The following PHF21A variants were observed in gnomAD, a reference collection of about 807,000 sequenced individuals.
PHF21A encodes BHC80a.
PHF21A carries 11 observed loss-of-function variants against 82.5 expected under a neutral mutation model. The observed-to-expected ratio is 0.13, with a 90% CI of 0.08 to 0.22. The LOEUF (loss-of-function observed/expected upper bound fraction) is 0.22, where lower values mean the gene tolerates loss of function less well. Ranked by LOEUF, PHF21A falls within the 10% of genes least tolerant of loss-of-function variation. The pLI is 1.00. For missense variants in PHF21A, 579 were observed against 837.8 expected (o/e 0.69, Z 3.81); for synonymous variants, 297 against 302.8 (o/e 0.98, Z 0.20).
At chr11:45,974,458 GTTTA>G (rs1372201979) in intron 7 of PHF21A, among the ~76,000 whole-genome samples, 4 of 144,566 alleles carry the variant, frequency 2.8e-5, no homozygotes, top group Non-Finnish European at 3.0e-5. Flanking sequence ...TATTATTGCT[GTTTA>G]TTTATTTTTG....
At chr11:46,010,089 G>C (rs2095381892) in intron 6 of PHF21A, among the ~76,000 whole-genome samples, 1 of 152,058 alleles carries the variant, frequency 6.6e-6, no homozygotes, top group African/African-American at 2.4e-5. Context: ...AGAAAGGGGA[G>C]AAAAATATGC....
intron 6 of PHF21A, among the ~76,000 whole-genome samples, chr11:46,021,705 C>G (rs561025976): frequency 9.9e-5 from 15 of 152,022 alleles, no homozygotes; most frequent in Admixed American, 8.5e-4. Flanking sequence ...CTATGCCCAG[C>G]TAATTTTTAT....
intron 17 of PHF21A, among the ~76,000 whole-genome samples, chr11:45,936,207 G>A (rs2088992981): frequency 6.6e-6 from 1 of 152,182 alleles, no homozygotes; most frequent in Non-Finnish European, 1.5e-5. Context: ...GGGCCCAGGA[G>A]GAGGAAGCTG....
At chr11:46,060,653 A>T (rs2096524273) in intron 6 of PHF21A, among the ~76,000 whole-genome samples, 1 of 152,142 alleles carries the variant, frequency 6.6e-6, no homozygotes, top group Non-Finnish European at 1.5e-5. Context: ...TCCTTTGCCC[A>T]CTTTGTAATG....
At chr11:46,003,561 T>C (rs976800446) in intron 6 of PHF21A, among the ~76,000 whole-genome samples, 6 of 152,254 alleles carry the variant, frequency 3.9e-5, no homozygotes, top group Admixed American at 2.0e-4. Context: ...ATAATGATGA[T>C]GACATTTTCA....
At chr11:45,938,070 C>A (rs1022830917) in intron 16 of PHF21A, 87 bp downstream of exon 16, 4 of 1,169,648 alleles carry the variant, frequency 3.4e-6, no homozygotes, top group Non-Finnish European at 4.8e-6. Context: ...AGAGAAGAGA[C>A]TGCCATTTCC....
intron 1 of PHF21A, among the ~76,000 whole-genome samples, chr11:46,098,917 T>C (rs2097047121): frequency 6.6e-6 from 1 of 152,184 alleles, no homozygotes; most frequent in South Asian, 2.1e-4. Flanking sequence ...CTGTAACTAC[T>C]GGGAGTTGTT....
chr11:45,964,237 T>TAATAATAA (rs1278681278), intron 10 of PHF21A, among the ~76,000 whole-genome samples: 1 of 20,772 alleles, frequency 4.8e-5, no homozygotes, highest in Admixed American at 3.8e-4. Context: ...TAATAATAAT[T>TAATAATAA]TATTTCTGAA....
intron 6 of PHF21A, among the ~76,000 whole-genome samples, chr11:45,994,949 G>T (rs370876373): frequency 2.0e-5 from 3 of 152,272 alleles, no homozygotes; most frequent in East Asian, 3.9e-4. Flanking sequence ...TCAACCAAAG[G>T]ACGTAAGAAT....
chr11:46,018,121 G>T (rs958490899), intron 6 of PHF21A, among the ~76,000 whole-genome samples: 5 of 151,216 alleles, frequency 3.3e-5, no homozygotes, highest in African/African-American at 1.2e-4. Flanking sequence ...GTAGTGGCGG[G>T]CGCCTGTAGT....
intron 3 of PHF21A, among the ~76,000 whole-genome samples, chr11:46,087,918 G>A (rs1236682914): frequency 6.6e-6 from 1 of 151,990 alleles, no homozygotes; most frequent in African/African-American, 2.4e-5. Context: ...ACCATACCTG[G>A]CTAATTTTTG....
At chr11:46,067,419 A>C (rs1673676304) in intron 6 of PHF21A, among the ~76,000 whole-genome samples, 2 of 152,168 alleles carry the variant, frequency 1.3e-5, no homozygotes, top group Non-Finnish European at 1.5e-5. Flanking sequence ...TAGATGTATC[A>C]AGTTTTCAAA....
chr11:46,092,090 T>G (rs2096931918), intron 2 of PHF21A, 93 bp downstream of exon 2: 1 of 17,460 alleles, frequency 5.7e-5, no homozygotes, highest in Admixed American at 8.7e-4. Context: ...GAGAGCCTAT[T>G]TGCCAAAAAA....
chr11:45,938,256 C>T lies in PHF21A; in HGVS notation c.1509G>A (p.Met503Ile), dbSNP rs752837908. The T allele has an allele frequency of 6.2e-7, 1 of 1,611,782 alleles. No individual in the cohort carries two copies. The highest frequency in any genetic ancestry group is 8.5e-7 in the Non-Finnish European group (1 of 1,178,998). Reference protein sequence around the residue: ...SVCRKSGQLLMCDTCSRVYHL... With the variant: ...SVCRKSGQLLICDTCSRVYHL... The stretch of plus-strand genomic sequence containing the variant: ...GATATACACGGGAACATGTGTCGCA[C>T]ATCAGTAACTGGCCACTTTTTCTGC... The change falls in exon 16 of 19, where the codon ATG becomes ATA. Residue 503 changes from methionine (M) to isoleucine (I), a missense_variant. Physicochemically the swap from Met to Ile is conservative, Grantham distance 10 (BLOSUM62 1). Around this residue, in one of 3 missense-constraint regions of PHF21A, gnomAD observed 410 missense variants for 642.1 expected, o/e 0.64. Transcript: ENST00000676320.
intron 6 of PHF21A, among the ~76,000 whole-genome samples, chr11:46,075,160 C>T (rs1248981251): frequency 6.6e-6 from 1 of 152,010 alleles, no homozygotes; most frequent in African/African-American, 2.4e-5. Context: ...TCAGTAAGGT[C>T]CCTAACAGAA....
rs533882035 is a variant in PHF21A, at chr11:46,071,332, C to A, written c.153+5422G>T. Among the ~76,000 whole-genome samples the A allele has an allele frequency of 1.3e-4, 20 of 152,344 alleles. No individual in the cohort carries two copies. In the South Asian group the frequency reaches 2.3e-3, roughly 17 times the overall value. ...TTTAGAGTAGACCTAACCAAACCTG[C>A]AGCCTGAAAGGCAAGTTCAGCCAGC... is the stretch of plus-strand genomic sequence containing the variant. On this transcript the variant is annotated intron_variant, in intron 6 of 18. Transcript: ENST00000676320.
At chr11:45,957,751 C>CAAAAAAAAAAAAAAAAAAGAAAAAAA (rs2092766197) in intron 10 of PHF21A, among the ~76,000 whole-genome samples, 2 of 60,892 alleles carry the variant, frequency 3.3e-5, no homozygotes, top group Non-Finnish European at 6.7e-5. Context: ...AAATTCAAAG[C>CAAAAAAAAAAAAAAAAAAGAAAAAAA]AAAAAAAAAA....
chr11:45,977,082 A>G (rs896605526), intron 7 of PHF21A, among the ~76,000 whole-genome samples: 2 of 152,114 alleles, frequency 1.3e-5, no homozygotes, highest in African/African-American at 4.8e-5. Flanking sequence ...TCCCAAAGCA[A>G]CACAGACTAC....
At chr11:46,028,962 C>A (rs1005060784) in intron 6 of PHF21A, among the ~76,000 whole-genome samples, 9 of 152,352 alleles carry the variant, frequency 5.9e-5, no homozygotes, top group Admixed American at 5.9e-4. Context: ...AAGTTGACTA[C>A]AGACTGTTAG....
Sources: allele counts gnomAD v4.1 joint callset (sites outside exome capture counted in the v4.1 genomes callset), GRCh38; gene constraint gnomAD v4.1.1; regional missense constraint gnomAD v4.1.1; transcripts MANE v1.5; gene names NCBI Gene and HGNC (gene_info 2026-07-23, HGNC 2026-07-21).